The following CCNG1 variants were observed in gnomAD, a reference collection of about 807,000 sequenced individuals.
CCNG1 encodes the protein cyclin G1, also known as cyclin-G1.
A neutral mutation model predicts 30.0 loss-of-function variants in CCNG1; 13 were observed. The observed-to-expected ratio is 0.43, with a 90% CI of 0.28 to 0.69. The LOEUF is 0.69. Ranked by LOEUF, CCNG1 falls within the 30% of genes least tolerant of loss-of-function variation. The pLI, the probability that CCNG1 is intolerant of heterozygous loss-of-function variation, is 0.16. For missense variants in CCNG1, 285 were observed against 331.4 expected (o/e 0.86, Z 1.09); for synonymous variants, 110 against 121.5 (o/e 0.91, Z 0.62).
Position 163,443,788 on chromosome 5 carries a change from G to C in CCNG1, c.*118G>C. On this transcript the variant is annotated 3_prime_UTR_variant, in exon 7 of 7. Coordinates refer to ENST00000340828, the MANE Select transcript of CCNG1 (RefSeq NM_004060.4). ...GAAGCCTCAAAACATCACGAGATAA[G>C]CATGATGGTCTCAGACTTGGGAAAA... 1 of 1,148,560 alleles carries C rather than the reference G, an allele frequency of 8.7e-7. No homozygotes were observed. The highest frequency in any genetic ancestry group is 1.4e-5 in the South Asian group (1 of 72,382). 71.1% of individuals were successfully genotyped at this position (1,148,560 alleles called of 1,614,324 possible).
downstream of CCNG1, chr5:163,447,116 A>G: frequency 6.6e-6 from 1 of 152,220 alleles, no homozygotes; most frequent in Admixed American, 6.5e-5. Flanking sequence ...TCACCAAGAC[A>G]GTGCTAAAAG....
rs751598017 is a variant in CCNG1, at chr5:163,439,247, CTA to C, written c.1-3_1-2del. The C allele has an allele frequency of 6.2e-6, 10 of 1,604,010 alleles. No homozygotes were observed. The East Asian group carries it at 2.2e-4, about 36-fold the overall frequency. On this transcript the variant is annotated splice_region_variant and splice_polypyrimidine_tract_variant and intron_variant, in intron 1 of 6. Transcript: ENST00000340828. ...TTACACTCCTTGCTGGTCTTTTTTT[CTA>C]TATATAGATGATAGAGGTACTGACA...
downstream of CCNG1, chr5:163,449,254 A>C (rs891859871): frequency 6.6e-6 from 1 of 152,218 alleles, no homozygotes; most frequent in Non-Finnish European, 1.5e-5. Context: ...AAACTTAATG[A>C]GTTAACAACA....
intron 1 of CCNG1, among the ~76,000 whole-genome samples, chr5:163,438,102 A>C (rs1024416551): frequency 2.0e-5 from 3 of 152,088 alleles, no homozygotes; most frequent in African/African-American, 7.2e-5. Flanking sequence ...TCCTGTCTTT[A>C]GTTGGTGTGG....
Position 163,442,175 on chromosome 5 carries a change from A to C in CCNG1, c.696+32A>C, listed in dbSNP as rs772479020. ...GAAGGACATAGCCTAAATCCTATTA[A>C]CAGCTGTAAAAGAAACTAAACCCCT... On this transcript the variant is annotated intron_variant, in intron 5 of 6. Transcript: ENST00000340828. 11 of 1,422,920 alleles carry C rather than the reference A, an allele frequency of 7.7e-6. No homozygotes were observed. The South Asian group carries it at 1.3e-4, about 17-fold the overall frequency. The allele number at this position is 1,422,920 out of a possible 1,614,324, so 88.1% of individuals were successfully genotyped here. A position where few individuals can be genotyped will look rare whatever the true frequency, so the allele number is the denominator to read the frequency against.
chr5:163,440,997 C>G (rs1209061602), intron 2 of CCNG1, 81 bp from the exon 3 acceptor site: 1 of 1,402,806 alleles, frequency 7.1e-7, no homozygotes, highest in Non-Finnish European at 9.7e-7. Context: ...AATGTTGGGT[C>G]GGAGTTCTAG....
chr5:163,447,207 T>C (rs1320193703), downstream of CCNG1: 1 of 152,680 alleles, frequency 6.5e-6, no homozygotes, highest in East Asian at 1.9e-4. Flanking sequence ...ATTCCAATGC[T>C]TTGGGAAGCC....
chr5:163,453,739 C>T, the CCNG1 span: 1 of 327,418 alleles, frequency 3.1e-6, no homozygotes, highest in Non-Finnish European at 5.6e-6. Flanking sequence ...AAACTTCATG[C>T]TGAGCAAAAA....
chr5:163,441,260 C>A lies in CCNG1; in HGVS notation c.447C>A (p.Val149=), dbSNP rs1462879116. The change falls in exon 3 of 7, where the codon GTC becomes GTA. Residue 149 remains valine (V), a synonymous_variant. Coordinates refer to ENST00000340828, the MANE Select transcript of CCNG1 (RefSeq NM_004060.4). ...TATTGGAGAAGGTGTGTTGGAAAGT[C>A]AAAGCTACTACTGCCTTTCAATTTC... The part of the protein sequence containing the change: ...KIVLEKVCWK[V]KATTAFQFLQ... 6.2e-7 allele frequency: 1 copy of A among 1,613,918 alleles called. No homozygotes were observed. The highest frequency in any genetic ancestry group is 1.7e-5 in the Admixed American group (1 of 60,020).
downstream of CCNG1, among the ~76,000 whole-genome samples, chr5:163,445,544 C>T (rs1758019692): frequency 2.0e-5 from 3 of 151,930 alleles, no homozygotes; most frequent in Non-Finnish European, 4.4e-5. Context: ...GCCTTGGCAG[C>T]CCAGGCTCAA....
chr5:163,455,893 G>T, the CCNG1 span, among the ~76,000 whole-genome samples: 3 of 152,266 alleles, frequency 2.0e-5, no homozygotes, highest in Non-Finnish European at 4.4e-5. Flanking sequence ...GTGAAAAGTG[G>T]CCAAATTCTA....
In CCNG1 at chr5:163,443,871, A is replaced by G. The variant is rs1757952391; in HGVS notation, c.*201A>G. 1 of 545,802 alleles carries G rather than the reference A, an allele frequency of 1.8e-6. No homozygotes were observed. Among genetic ancestry groups the G allele is most frequent in the Admixed American group, 3.5e-5 (1 of 28,314 alleles). The allele number at this position is 545,802 out of a possible 1,614,324, so 33.8% of individuals were successfully genotyped here. Reference sequence around the variant, plus strand: ...TTAGATTTGAATTCATCTGTGAAGCATTCAAATCAAAGCTAAAAGCCTAAA... The same window carrying G: ...TTAGATTTGAATTCATCTGTGAAGCGTTCAAATCAAAGCTAAAAGCCTAAA... On this transcript the variant is annotated 3_prime_UTR_variant, in exon 7 of 7. Coordinates refer to ENST00000340828, the MANE Select transcript of CCNG1 (RefSeq NM_004060.4).
chr5:163,457,555 C>A, the CCNG1 span: 1 of 1,521,900 alleles, frequency 6.6e-7, no homozygotes, highest in Non-Finnish European at 9.1e-7. Context: ...ATAGTAATTA[C>A]CCTTACCCAA....
At chr5:163,455,036 G>A in the CCNG1 span, among the ~76,000 whole-genome samples, 2 of 151,674 alleles carry the variant, frequency 1.3e-5, no homozygotes, top group Non-Finnish European at 2.9e-5. Flanking sequence ...AAACAAATGA[G>A]CATATACGTA....
chr5:163,447,987 T>C (rs1758081601), downstream of CCNG1: 1 of 151,992 alleles, frequency 6.6e-6, no homozygotes, highest in Non-Finnish European at 1.5e-5. Context: ...CACTCTAAGC[T>C]CCCACTTTAA....
chr5:163,439,161 G>A, intron 1 of CCNG1, 96 bp from the exon 2 acceptor site: 1 of 1,050,752 alleles, frequency 9.5e-7, no homozygotes, highest in Non-Finnish European at 1.4e-6. Context: ...GGGATGGGAG[G>A]CTTATAAATC....
the CCNG1 span, chr5:163,457,063 G>C: frequency 5.0e-6 from 8 of 1,600,468 alleles, no homozygotes; most frequent in Non-Finnish European, 6.8e-6. Context: ...AGAACAATAC[G>C]AACCATTTTT....
At chr5:163,446,117 G>C (rs1252916735), downstream of CCNG1, 1 of 152,158 alleles carries the variant, frequency 6.6e-6, no homozygotes. Flanking sequence ...AGTTACTGAT[G>C]AAAGAAAAGT....
rs987526549 is a variant in CCNG1 at position 163,443,905 on chromosome 5, G to A, written c.*235G>A. 5.8e-6 allele frequency: 3 copies of A among 516,536 alleles called. No individual in the cohort carries two copies. Among genetic ancestry groups the A allele is most frequent in the Admixed American group, 3.6e-5 (1 of 27,774 alleles). The allele number at this position is 516,536 out of a possible 1,614,324, so 32.0% of individuals were successfully genotyped here. On this transcript the variant is annotated 3_prime_UTR_variant, in exon 7 of 7. Transcript: ENST00000340828. ...AAAGCTAAAAGCCTAAATGTGAAAT[G>A]CTAATGACAAGCCTGAGAAGGTAAA...
Sources: allele counts gnomAD v4.1 joint callset (sites outside exome capture counted in the v4.1 genomes callset), GRCh38; gene constraint gnomAD v4.1.1; transcripts MANE v1.5; gene names NCBI Gene and HGNC (gene_info 2026-07-23, HGNC 2026-07-21).